The following LOXL4 variants were observed in gnomAD, a reference collection of about 807,000 sequenced individuals.
The protein encoded by LOXL4 is lysyl oxidase like 4.
In LOXL4, 72 loss-of-function variants were observed where a neutral mutation model predicts 89.1. The observed-to-expected ratio is 0.81, with a 90% CI of 0.67 to 0.98. The LOEUF is 0.98. Among genes scored for constraint, LOXL4 ranks in the 50% least tolerant of loss-of-function variants. The pLI is 0.00. For synonymous variants in LOXL4, 355 were observed against 392.1 expected (o/e 0.91, Z 1.12); for missense variants, 984 against 1,017.5 (o/e 0.97, Z 0.45).
chr10:98,266,641 T>C (rs1886727), intron 1 of LOXL4, among the ~76,000 whole-genome samples: 146,555 of 152,212 alleles, frequency 0.96, 70,786 homozygotes, highest in East Asian at 1. Flanking sequence ...GCAGGGAGAG[T>C]CCCTCTTATT....
chr10:98,251,945 CGTGCTAATTTACTT>C, intron 12 of LOXL4: 1 of 546,994 alleles, frequency 1.8e-6, no homozygotes, highest in Non-Finnish European at 3.2e-6. Flanking sequence ...CCAACGCTCC[CGTGCTAATTTACTT>C]GTGCATCCGC....
chr10:98,266,764 C>T (rs7089363), intron 1 of LOXL4, among the ~76,000 whole-genome samples: 146,452 of 152,122 alleles, frequency 0.96, 70,730 homozygotes, highest in East Asian at 1. Flanking sequence ...CTATCTAAGA[C>T]TGTTAAACTC....
At chr10:98,252,331 G>T (rs776897971) in intron 12 of LOXL4, 22 bp downstream of exon 12, 3 of 1,532,436 alleles carry the variant, frequency 2.0e-6, no homozygotes, top group Admixed American at 3.3e-5. Flanking sequence ...ATGCTGATAG[G>T]TGCTGACAGG....
At position 98,261,088 on chromosome 10, in the gene LOXL4, C is replaced by T. The variant is rs963447699; in HGVS notation, c.496G>A (p.Ala166Thr). The T allele has an allele frequency of 3.1e-6, 5 of 1,613,542 alleles. No individual in the cohort carries two copies. The highest frequency in any genetic ancestry group is 4.2e-6 in the Non-Finnish European group (5 of 1,180,034). ...ACTGGGCTATGCTGCTTGGCACTGG[C>T]AAGGATGGGCTTGAGCCGCACCTCC... ...LEEVRLKPIL[A>T]SAKQHSPVTE... Residue 166 changes from alanine to threonine, a missense_variant, in exon 4 of 15, where the codon GCC becomes ACC. By Grantham distance (58) the Ala-to-Thr change is moderately conservative. Coordinates refer to ENST00000260702, the MANE Select transcript of LOXL4 (RefSeq NM_032211.7).
chr10:98,261,208 G>T lies in LOXL4; in HGVS notation c.457-81C>A, dbSNP rs1858530884. 1.4e-5 allele frequency: 20 copies of T among 1,476,086 alleles called. No homozygotes were observed. The South Asian group carries it at 2.1e-4, about 16-fold the overall frequency. The allele number at this position is 1,476,086 out of a possible 1,614,324, so 91.4% of individuals were successfully genotyped here. A position where few individuals can be genotyped will look rare whatever the true frequency, so the allele number is the denominator to read the frequency against. ...CTGCTGCAGATCTTCATGCAGAAAGGCTGGGGCTTGGAGCTTTTCGAGACC... is the reference window on the plus strand; with the variant it reads ...CTGCTGCAGATCTTCATGCAGAAAGTCTGGGGCTTGGAGCTTTTCGAGACC... On this transcript the variant is annotated intron_variant, in intron 3 of 14. Transcript: ENST00000260702.
rs1180430753 is a variant in LOXL4 at position 98,252,421 on chromosome 10, AGAGT to A, written c.1879_1882del (p.Thr627SerfsTer39). 1.2e-5 allele frequency: 19 copies of A among 1,614,024 alleles called. No individual in the cohort carries two copies. The highest frequency in any genetic ancestry group is 1.5e-5 in the Non-Finnish European group (18 of 1,180,022). ...CCCCTCAGCCACCTTGGAGCCATTG[AGAGT>A]GAGGAGGTCGTAGTGGGTGAAGACC... On this transcript the variant is annotated frameshift_variant, in exon 12 of 15. Coordinates refer to ENST00000260702, the MANE Select transcript of LOXL4 (RefSeq NM_032211.7). LOFTEE classifies it high-confidence loss of function.
chr10:98,258,063 G>T lies in LOXL4; in HGVS notation c.1023C>A (p.Asn341Lys), dbSNP rs761973321. ...QWGTVCDHRW[N>K]LISASVVCRQ... ...GACACACGACACTGGCAGAGATGAG[G>T]TTCCACCTGTGGTCACAGACCGTGC... The change falls in exon 7 of 15, where the codon AAC becomes AAA. Residue 341 changes from asparagine (N) to lysine (K), a missense_variant. Asn to Lys is a moderately conservative substitution (Grantham distance 94). Coordinates refer to ENST00000260702, the MANE Select transcript of LOXL4 (RefSeq NM_032211.7). 6.2e-7 allele frequency: 1 copy of T among 1,613,792 alleles called. No homozygotes were observed. Among genetic ancestry groups the T allele is most frequent in the South Asian group, 1.1e-5 (1 of 91,088 alleles).
rs1858184001 is a variant in LOXL4, at chr10:98,251,218, T to C, written c.2089-42A>G. The C allele has an allele frequency of 2.1e-6, 3 of 1,429,088 alleles. No homozygotes were observed. In the East Asian group the frequency reaches 6.8e-5, roughly 32 times the overall value. The allele number at this position is 1,429,088 out of a possible 1,614,324, so 88.5% of individuals were successfully genotyped here. A position where few individuals can be genotyped will look rare whatever the true frequency, so the allele number is the denominator to read the frequency against. ...GACAACTGAAAATGGGTGATTTGGT[T>C]TCTGAATGAGTTGACTGTGGCTGTG... On this transcript the variant is annotated intron_variant, in intron 13 of 14. Coordinates refer to ENST00000260702, the MANE Select transcript of LOXL4 (RefSeq NM_032211.7).
chr10:98,258,239 C>G, intron 6 of LOXL4, 75 bp from the exon 7 acceptor site: 1 of 1,425,976 alleles, frequency 7.0e-7, no homozygotes, highest in Non-Finnish European at 9.4e-7. Context: ...CAGCGGGATC[C>G]CCAACGGGGC....
At chr10:98,263,410 A>G (rs777453255) in intron 1 of LOXL4, among the ~76,000 whole-genome samples, 1 of 152,202 alleles carries the variant, frequency 6.6e-6, no homozygotes, top group African/African-American at 2.4e-5. Flanking sequence ...TGAGTACACA[A>G]TAAACAGCAG....
At chr10:98,258,280 C>A in intron 6 of LOXL4, 116 bp from the exon 7 acceptor site, 1 of 1,065,730 alleles carries the variant, frequency 9.4e-7, no homozygotes, top group South Asian at 1.7e-5. Context: ...TGGCCAGAGC[C>A]AAGGATGGGG....
chr10:98,252,282 G>A (rs889761642), intron 12 of LOXL4, 71 bp downstream of exon 12: 13 of 1,206,696 alleles, frequency 1.1e-5, no homozygotes, highest in Non-Finnish European at 1.6e-5. Flanking sequence ...CAGAGAGAAA[G>A]CCTGATCCCA....
At chr10:98,260,041 C>T (rs936508064) in intron 4 of LOXL4, among the ~76,000 whole-genome samples, 2 of 152,190 alleles carry the variant, frequency 1.3e-5, no homozygotes, top group East Asian at 1.9e-4. Context: ...AGACGTACTA[C>T]GGGAGACTTC....
intron 2 of LOXL4, among the ~76,000 whole-genome samples, chr10:98,262,524 G>A (rs1259272044): frequency 6.6e-6 from 1 of 152,188 alleles, no homozygotes; most frequent in East Asian, 1.9e-4. Flanking sequence ...CTATGTTCAA[G>A]GAACTTAGAG....
intron 4 of LOXL4, among the ~76,000 whole-genome samples, chr10:98,260,484 G>A (rs551197974): frequency 6.9e-6 from 1 of 145,226 alleles, no homozygotes; most frequent in Non-Finnish European, 1.5e-5. Flanking sequence ...GGGGGGTGGG[G>A]GGGCGTTCTG....
In LOXL4 at chr10:98,259,406, C is replaced by T; in HGVS notation, c.686G>A (p.Arg229Lys). The change falls in exon 5 of 15, where the codon AGG becomes AAG. Residue 229 changes from arginine (R) to lysine (K), a missense_variant. Coordinates refer to ENST00000260702, the MANE Select transcript of LOXL4 (RefSeq NM_032211.7). ...TGCTCCTCACCTAGACTTAGGGTCC[C>T]TCATCTTCAGATCCCAGACTTTCCT... ...YYRKVWDLKM[R>K]DPKSRLKSLT... 2 of 1,613,334 alleles carry T rather than the reference C, an allele frequency of 1.2e-6. No individual in the cohort carries two copies. Among genetic ancestry groups the T allele is most frequent in the South Asian group, 1.1e-5 (1 of 90,894 alleles).
At chr10:98,251,027 G>T (rs767125364) in intron 14 of LOXL4, 38 bp downstream of exon 14, 3 of 1,453,518 alleles carry the variant, frequency 2.1e-6, no homozygotes, top group Non-Finnish European at 2.9e-6. Context: ...AGCTCCCTGA[G>T]CCTATAGATG....
At position 98,262,194 on chromosome 10, in the gene LOXL4, A is replaced by G. The variant is rs753670405; in HGVS notation, c.297T>C (p.Asn99=). The change falls in exon 3 of 15, where the codon AAT becomes AAC. Residue 99 remains asparagine (N), a synonymous_variant. Transcript: ENST00000260702. Reference sequence around the variant, plus strand: ...AGCTCTCTGTGCCCACACAGCGCACATTGTCCAGCCAGATGGGTCCTGTGG... The same window carrying G: ...AGCTCTCTGTGCCCACACAGCGCACGTTGTCCAGCCAGATGGGTCCTGTGG... ...GQGEGPIWLD[N]VRCVGTESSL... 3 of 1,613,674 alleles carry G rather than the reference A, an allele frequency of 1.9e-6. No individual in the cohort carries two copies. Among genetic ancestry groups the G allele is most frequent in the African/African-American group, 1.3e-5 (1 of 75,050 alleles).
chr10:98,251,891 C>T, intron 12 of LOXL4, 189 bp from the exon 13 acceptor site: 1 of 663,092 alleles, frequency 1.5e-6, no homozygotes. Flanking sequence ...TTTGACTGCT[C>T]CAGTGCAAAT....
Sources: gnomAD v4.1 joint callset for allele counts (sites outside exome capture counted in the v4.1 genomes callset) on GRCh38, gnomAD v4.1.1 for gene constraint, MANE v1.5 for transcripts, NCBI Gene and HGNC (gene_info 2026-07-23, HGNC 2026-07-21) for gene names.